SYNDIG1: variants seen among roughly 807,000 people sequenced by gnomAD.
The protein encoded by SYNDIG1 is synapse differentiation inducing 1, also known as synapse differentiation-inducing gene protein 1.
A neutral mutation model predicts 19.4 loss-of-function variants in SYNDIG1; 9 were observed. The ratio of observed to expected loss-of-function variants is 0.46; its 90% CI spans 0.28 to 0.81. The LOEUF is 0.81. Among genes scored for constraint, SYNDIG1 ranks in the 30% least tolerant of loss-of-function variants. The pLI is 0.12. For missense variants in SYNDIG1, 311 were observed against 343.3 expected, an observed-to-expected ratio of 0.91 and a Z score of 0.74; for synonymous variants, 141 against 145.9, an observed-to-expected ratio of 0.97 and a Z score of 0.24.
At chr20:24,599,835 A>G (rs1392582643) in intron 3 of SYNDIG1, among the ~76,000 whole-genome samples, 1 of 152,208 alleles carries the variant, frequency 6.6e-6, no homozygotes, top group African/African-American at 2.4e-5. Context: ...GGGAAGAGTG[A>G]GTAGTTGGGG....
rs1337037375 is a variant in SYNDIG1 at position 24,584,905 on chromosome 20, C to T, written c.530C>T (p.Pro177Leu). 6.2e-7 allele frequency: 1 copy of T among 1,614,142 alleles called. No individual in the cohort carries two copies. Among genetic ancestry groups the T allele is most frequent in the Non-Finnish European group, 8.5e-7 (1 of 1,180,034 alleles). The part of the protein sequence containing the change: ...TESEDNFLMM[P>L]PRDHLGLSVF... ...AGTGAGGACAATTTCCTCATGATGC[C>T]CCCGCGGGACCACCTGGGCCTCAGT... Residue 177 changes from proline to leucine, a missense_variant, in exon 3 of 4, where the codon CCC (proline) becomes CTC (leucine). By Grantham distance (98) the Pro-to-Leu change is moderately conservative (BLOSUM62 -3). Coordinates refer to ENST00000376862, the MANE Select transcript of SYNDIG1 (RefSeq NM_024893.3).
At chr20:24,645,454 A>AGCTGTG (rs2059414185) in intron 3 of SYNDIG1, among the ~76,000 whole-genome samples, 1 of 152,242 alleles carries the variant, frequency 6.6e-6, no homozygotes. Flanking sequence ...TTGGTGCCAC[A>AGCTGTG]GCTGTGGCTG....
chr20:24,642,761 T>C (rs1004339212), intron 3 of SYNDIG1, among the ~76,000 whole-genome samples: 7 of 152,098 alleles, frequency 4.6e-5, no homozygotes, highest in South Asian at 2.1e-4. Flanking sequence ...AGGTTCATCT[T>C]GTATGCTTCC....
chr20:24,639,862 ATAAGCATAATTGTCTGTGAT>A (rs1299340537), intron 3 of SYNDIG1, among the ~76,000 whole-genome samples: 2 of 152,212 alleles, frequency 1.3e-5, no homozygotes, highest in African/African-American at 4.8e-5. Flanking sequence ...GCACTGCCTT[ATAAGCATAATTGTCTGTGAT>A]TACCAGATAT....
intron 3 of SYNDIG1, among the ~76,000 whole-genome samples, chr20:24,662,496 C>A (rs1377930230): frequency 6.6e-6 from 1 of 152,114 alleles, no homozygotes; most frequent in Admixed American, 6.5e-5. Flanking sequence ...TGCAGCCAGC[C>A]CTGCCGATGG....
At chr20:24,589,193 G>A (rs1467945081) in intron 3 of SYNDIG1, among the ~76,000 whole-genome samples, 1 of 152,146 alleles carries the variant, frequency 6.6e-6, no homozygotes, top group Non-Finnish European at 1.5e-5. Context: ...CTGTCAGCTA[G>A]TTAATGCACA....
At chr20:24,661,731 G>A (rs1319031903) in intron 3 of SYNDIG1, among the ~76,000 whole-genome samples, 1 of 152,010 alleles carries the variant, frequency 6.6e-6, no homozygotes, top group African/African-American at 2.4e-5. Context: ...AGGGGACTGG[G>A]CAAGGGCAGC....
At chr20:24,569,143 T>C (rs570647661) in intron 2 of SYNDIG1, among the ~76,000 whole-genome samples, 1 of 152,348 alleles carries the variant, frequency 6.6e-6, no homozygotes, top group African/African-American at 2.4e-5. Context: ...TGCTGGAATT[T>C]CTGCAAACTG....
intron 3 of SYNDIG1, among the ~76,000 whole-genome samples, chr20:24,628,755 C>T (rs2059196514): frequency 6.6e-6 from 1 of 152,182 alleles, no homozygotes; most frequent in African/African-American, 2.4e-5. Context: ...CCACCCTTTC[C>T]CTTCTGCCAA....
chr20:24,517,630 G>GTATATATA (rs753046947), intron 1 of SYNDIG1, among the ~76,000 whole-genome samples: 2 of 129,854 alleles, frequency 1.5e-5, no homozygotes, highest in African/African-American at 5.8e-5. Context: ...AAAAAAAAAA[G>GTATATATA]TATATATATA....
intron 2 of SYNDIG1, among the ~76,000 whole-genome samples, chr20:24,546,930 T>C (rs1202863377): frequency 6.6e-6 from 1 of 152,240 alleles, no homozygotes; most frequent in African/African-American, 2.4e-5. Context: ...CTTTGAGTAT[T>C]GTATAGCTTC....
intron 3 of SYNDIG1, among the ~76,000 whole-genome samples, chr20:24,630,613 C>T (rs1215809306): frequency 6.6e-6 from 1 of 152,210 alleles, no homozygotes; most frequent in Non-Finnish European, 1.5e-5. Flanking sequence ...TGGGCCTGAG[C>T]CCCTCTGTGT....
intron 3 of SYNDIG1, among the ~76,000 whole-genome samples, chr20:24,661,489 AAGG>A (rs374898007): frequency 3.2e-3 from 33 of 10,378 alleles, no homozygotes; most frequent in East Asian, 6.3e-3. Flanking sequence ...AGGGAGGAAG[AAGG>A]GAGGGAGGGA....
intron 1 of SYNDIG1, among the ~76,000 whole-genome samples, chr20:24,499,844 T>A (rs191312130): frequency 6.6e-6 from 1 of 152,300 alleles, no homozygotes; most frequent in Admixed American, 6.5e-5. Context: ...ACATAGTTCA[T>A]ATCAATATAT....
chr20:24,500,247 A>C (rs1016901827), intron 1 of SYNDIG1, among the ~76,000 whole-genome samples: 1 of 152,116 alleles, frequency 6.6e-6, no homozygotes, highest in Non-Finnish European at 1.5e-5. Context: ...TGTGATTCCT[A>C]TGTTTCTTTA....
chr20:24,541,155 C>A (rs1016920208), intron 1 of SYNDIG1, among the ~76,000 whole-genome samples: 3 of 152,190 alleles, frequency 2.0e-5, no homozygotes, highest in Non-Finnish European at 4.4e-5. Flanking sequence ...CACTTGCCAA[C>A]AGTCAGATAT....
At chr20:24,497,391 G>C (rs913630357) in intron 1 of SYNDIG1, among the ~76,000 whole-genome samples, 2 of 152,142 alleles carry the variant, frequency 1.3e-5, no homozygotes, top group African/African-American at 4.8e-5. Context: ...AGTAGAGATG[G>C]GGTTTCACCA....
intron 1 of SYNDIG1, among the ~76,000 whole-genome samples, chr20:24,484,422 T>C (rs1365435578): frequency 6.6e-6 from 1 of 152,144 alleles, no homozygotes; most frequent in East Asian, 1.9e-4. Flanking sequence ...AGGTCAAGGC[T>C]CCGGTTTGAG....
chr20:24,500,739 A>G (rs1003373712), intron 1 of SYNDIG1, among the ~76,000 whole-genome samples: 4 of 152,120 alleles, frequency 2.6e-5, no homozygotes, highest in Admixed American at 2.0e-4. Context: ...TTTTAAAATG[A>G]TGGTCCTGTC....
Sources: allele counts gnomAD v4.1 joint callset (sites outside exome capture counted in the v4.1 genomes callset), GRCh38; gene constraint gnomAD v4.1.1; transcripts MANE v1.5; gene names NCBI Gene and HGNC (gene_info 2026-07-23, HGNC 2026-07-21).